The following SH3YL1 variants were observed in gnomAD, a reference collection of about 807,000 sequenced individuals.
The protein encoded by SH3YL1 is SH3 domain-containing YSC84-like protein 1.
Under a neutral mutation model 45.8 loss-of-function variants are expected in SH3YL1, and 41 were observed. That is an observed-to-expected ratio of 0.89 (90% confidence interval 0.70 to 1.16). The LOEUF (loss-of-function observed/expected upper bound fraction) is 1.16, where lower values mean the gene tolerates loss of function less well. Among genes scored for constraint, SH3YL1 ranks in the 50% most tolerant of loss-of-function variants. The pLI is 0.00. For missense variants in SH3YL1, 389 were observed against 409.6 expected, an observed-to-expected ratio of 0.95 and a Z score of 0.43; for synonymous variants, 152 against 151.4, an observed-to-expected ratio of 1.00 and a Z score of -0.03.
rs1669003502 is a variant in SH3YL1 at position 249,862 on chromosome 2, A to G, written c.113-18T>C. On this transcript the variant is annotated intron_variant, in intron 2 of 9. Transcript: ENST00000356150. ...TACGTGAGCTGTTAACGTGGAAAACAATGGGAAGGTAAGCATTTTGATCTA... is the reference window on the plus strand; with the variant it reads ...TACGTGAGCTGTTAACGTGGAAAACGATGGGAAGGTAAGCATTTTGATCTA... 6.6e-7 allele frequency: 1 copy of G among 1,506,664 alleles called. No homozygotes were observed. Among genetic ancestry groups the G allele is most frequent in the South Asian group, 1.2e-5 (1 of 83,122 alleles). 93.3% of individuals were successfully genotyped at this position (1,506,664 alleles called of 1,614,324 possible).
At chr2:220,575 C>G (rs962797766) in intron 9 of SH3YL1, among the ~76,000 whole-genome samples, 1 of 152,194 alleles carries the variant, frequency 6.6e-6, no homozygotes, top group South Asian at 2.1e-4. Flanking sequence ...AAATTCTACA[C>G]GTTAATGAGC....
rs1349579040 is a variant in SH3YL1 at position 234,234 on chromosome 2, A to G, written c.330T>C (p.Ala110=). 13 of 1,614,166 alleles carry G rather than the reference A, an allele frequency of 8.1e-6. No homozygotes were observed. Among genetic ancestry groups the G allele is most frequent in the Admixed American group, 3.3e-5 (2 of 60,024 alleles). ...TTCCGCCTTTTGCAAAAGCTTCTAC[A>G]GCACGGTCATAATTCAGAATTATCA... ...DLVIILNYDR[A]VEAFAKGGNL... The change falls in exon 5 of 10, where the codon GCT becomes GCC. Residue 110 remains alanine, a synonymous_variant. Coordinates refer to ENST00000356150, the MANE Select transcript of SH3YL1 (RefSeq NM_015677.4).
upstream of SH3YL1, chr2:264,339 C>A: frequency 3.6e-6 from 1 of 276,748 alleles, no homozygotes; most frequent in Non-Finnish European, 6.8e-6. Context: ...GCAGGTTCCC[C>A]GCGTGACCCG....
chr2:252,758 T>C (rs761575752), intron 2 of SH3YL1, among the ~76,000 whole-genome samples: 12 of 152,208 alleles, frequency 7.9e-5, no homozygotes, highest in Non-Finnish European at 1.6e-4. Context: ...CATTTGGATC[T>C]CCTTTGCATG....
chr2:236,096 T>G (rs575908279), intron 4 of SH3YL1, among the ~76,000 whole-genome samples: 5 of 42,992 alleles, frequency 1.2e-4, no homozygotes, highest in African/African-American at 2.1e-4. Context: ...GGAGGCAGCA[T>G]GGGTCAGGGG....
At chr2:235,960 G>T (rs1437227353) in intron 4 of SH3YL1, among the ~76,000 whole-genome samples, 2 of 62,230 alleles carry the variant, frequency 3.2e-5, no homozygotes, top group Non-Finnish European at 6.1e-5. Context: ...AGCAGCATGG[G>T]TCAGGGGAGG....
In SH3YL1 at chr2:237,677, A is replaced by C. The variant is rs753857086; in HGVS notation, c.292-3405T>G. On this transcript the variant is annotated intron_variant, in intron 4 of 9. Transcript: ENST00000356150. ...TATTGACTATTTCAAAATAGCTAGA[A>C]GAGAACTTGAATGCTTCCAGCCTAA... 3.2e-4 allele frequency among the ~76,000 whole-genome samples: 49 copies of C among 152,206 alleles called. 1 individual carries two copies. Among genetic ancestry groups the C allele is most frequent in the Non-Finnish European group, 1.5e-4 (10 of 68,030 alleles).
At position 249,856 on chromosome 2, in the gene SH3YL1, G is replaced by A. The variant is rs1669003050; in HGVS notation, c.113-12C>T. The A allele has an allele frequency of 1.3e-6, 2 of 1,520,162 alleles. No individual in the cohort carries two copies. Among genetic ancestry groups the A allele is most frequent in the Non-Finnish European group, 1.8e-6 (2 of 1,118,194 alleles). 94.2% of individuals were successfully genotyped at this position (1,520,162 alleles called of 1,614,324 possible). ...CGCAATTACGTGAGCTGTTAACGTG[G>A]AAAACAATGGGAAGGTAAGCATTTT... On this transcript the variant is annotated splice_polypyrimidine_tract_variant and intron_variant, in intron 2 of 9. Coordinates refer to ENST00000356150, the MANE Select transcript of SH3YL1 (RefSeq NM_015677.4).
chr2:236,571 C>T (rs1668311247), intron 4 of SH3YL1, among the ~76,000 whole-genome samples: 1 of 152,182 alleles, frequency 6.6e-6, no homozygotes, highest in South Asian at 2.1e-4. Flanking sequence ...AATCACTGAG[C>T]TGCTGAAAGC....
At chr2:228,729 G>C (rs1396793993) in intron 8 of SH3YL1, among the ~76,000 whole-genome samples, 1 of 152,124 alleles carries the variant, frequency 6.6e-6, no homozygotes. Flanking sequence ...ACAGACGCAG[G>C]GGCAGGAGGC....
chr2:262,803 T>A, intron 1 of SH3YL1: 1 of 889,240 alleles, frequency 1.1e-6, no homozygotes, highest in Non-Finnish European at 1.5e-6. Flanking sequence ...AGAACAAAAG[T>A]ATCAAATCAC....
In SH3YL1 at chr2:247,684, TAA is replaced by T. The variant is rs1668889625; in HGVS notation, c.227-84_227-83del. On this transcript the variant is annotated intron_variant, in intron 3 of 9. Transcript: ENST00000356150. ...TATAGGAAGGAAAAATGCTAAAATC[TAA>T]AGAGTGCTTCTATTGAAAATAATGA... The T allele has an allele frequency of 5.9e-6, 6 of 1,017,228 alleles. No individual in the cohort carries two copies. The Admixed American group carries it at 1.2e-4, about 21-fold the overall frequency. The allele number at this position is 1,017,228 out of a possible 1,614,324, so 63.0% of individuals were successfully genotyped here.
At chr2:222,442 T>C (rs947637557) in intron 9 of SH3YL1, 2 of 152,330 alleles carry the variant, frequency 1.3e-5, no homozygotes, top group African/African-American at 4.8e-5. Flanking sequence ...ACACAGCCTT[T>C]GCTAAGCACC....
rs1667728193 is a variant in SH3YL1, at chr2:224,882, T to C, written c.820A>G (p.Ser274Gly). ...GATTTACCAACTCTCTCATGATAGC[T>C]GGAAAGTCCAGGATAGAGCTTATAT... ...NEYKLYPGLS[S>G]YHERVGNLNQ... Residue 274 changes from serine to glycine, a missense_variant, in exon 9 of 10, where the codon AGC (serine) becomes GGC (glycine). Coordinates refer to ENST00000356150, the MANE Select transcript of SH3YL1 (RefSeq NM_015677.4). 1.9e-6 allele frequency: 3 copies of C among 1,610,662 alleles called. No individual in the cohort carries two copies. The East Asian group carries it at 6.7e-5, about 36-fold the overall frequency.
At position 231,086 on chromosome 2, in the gene SH3YL1, C is replaced by G. The variant is rs1325176311; in HGVS notation, c.639G>C (p.Lys213Asn). Residue 213 changes from lysine to asparagine, a missense_variant, in exon 7 of 10, where the codon AAG becomes AAC. By Grantham distance (94) the Lys-to-Asn change is moderately conservative (BLOSUM62 0). Coordinates refer to ENST00000356150, the MANE Select transcript of SH3YL1 (RefSeq NM_015677.4). ...LYEILDSFTE[K>N]YENEGQRINA... is the part of the protein sequence containing the mutation. ...TGATTCGTTGTCCTTCATTTTCATA[C>G]TTTTCAGTAAAGGAATCAAGAATTT... The G allele has an allele frequency of 6.2e-7, 1 of 1,614,130 alleles. No individual in the cohort carries two copies. Among genetic ancestry groups the G allele is most frequent in the Admixed American group, 1.7e-5 (1 of 60,022 alleles).
At chr2:259,908 T>C (rs1401298078) in intron 1 of SH3YL1, 1 of 151,548 alleles carries the variant, frequency 6.6e-6, no homozygotes, top group African/African-American at 2.4e-5. Context: ...AATTATAGAA[T>C]TTTTTTTCAA....
intron 4 of SH3YL1, among the ~76,000 whole-genome samples, chr2:242,519 T>TA (rs1668586882): frequency 6.6e-6 from 1 of 151,920 alleles, no homozygotes; most frequent in South Asian, 2.1e-4. Flanking sequence ...AAAATAGAGT[T>TA]AAAAAATCAT....
chr2:247,279 G>A (rs965145598), intron 4 of SH3YL1, among the ~76,000 whole-genome samples: 13 of 152,168 alleles, frequency 8.5e-5, no homozygotes, highest in African/African-American at 3.1e-4. Flanking sequence ...GGATGTGCCT[G>A]TTATACAAAT....
At chr2:252,320 G>A (rs1488816301) in intron 2 of SH3YL1, among the ~76,000 whole-genome samples, 2 of 152,228 alleles carry the variant, frequency 1.3e-5, no homozygotes, top group South Asian at 4.1e-4. Flanking sequence ...ATTTATGTAT[G>A]AGATTAGCTG....
Sources: allele counts gnomAD v4.1 joint callset (sites outside exome capture counted in the v4.1 genomes callset), GRCh38; gene constraint gnomAD v4.1.1; transcripts MANE v1.5; gene names NCBI Gene and HGNC (gene_info 2026-07-23, HGNC 2026-07-21).